Variants in NUDT4 observed in about 807,000 individuals in gnomAD.
NUDT4 encodes the protein nudix hydrolase 4, also known as diphosphoinositol polyphosphate phosphohydrolase 2.
Under a neutral mutation model 23.1 loss-of-function variants are expected in NUDT4, and 5 were observed. The observed-to-expected ratio is 0.22, with a 90% confidence interval of 0.11 to 0.46. The LOEUF (loss-of-function observed/expected upper bound fraction) is 0.46. NUDT4 is among the 20% of genes least tolerant of loss of function. The probability of loss-of-function intolerance (pLI) is 0.99; values close to 1 mark genes in which losing one functional copy is unlikely to be tolerated. For synonymous variants in NUDT4, 50 were observed against 79.0 expected (o/e 0.63, Z 1.95); for missense variants, 96 against 211.6 (o/e 0.45, Z 3.39).
chr12:93,398,451 C>CA (rs1273545858), intron 3 of NUDT4, among the ~76,000 whole-genome samples: 4 of 151,812 alleles, frequency 2.6e-5, no homozygotes, highest in African/African-American at 7.3e-5. Flanking sequence ...TTGGGAAGGC[C>CA]AAAGCAGGAG....
intron 1 of NUDT4, among the ~76,000 whole-genome samples, chr12:93,394,241 A>C (rs1198281422): frequency 1.3e-5 from 2 of 152,054 alleles, no homozygotes; most frequent in Non-Finnish European, 2.9e-5. Flanking sequence ...TGACCTCTTG[A>C]TCCGCCCGCC....
chr12:93,391,680 T>TC (rs1876516480), intron 1 of NUDT4, among the ~76,000 whole-genome samples: 1 of 151,940 alleles, frequency 6.6e-6, no homozygotes, highest in African/African-American at 2.4e-5. Flanking sequence ...AAGGCTGCAG[T>TC]CAGCAGAGAT....
At position 93,406,469 on chromosome 12, in the gene NUDT4, T is replaced by C. The variant is rs1207276703; in HGVS notation, c.*7090T>C. 6.6e-6 allele frequency: 1 copy of C among 152,090 alleles called. No individual in the cohort carries two copies. Among genetic ancestry groups the C allele is most frequent in the Admixed American group, 6.5e-5 (1 of 15,268 alleles). 9.4% of individuals were successfully genotyped at this position (152,090 alleles called of 1,614,324 possible). On this transcript the variant is annotated 3_prime_UTR_variant, in exon 5 of 5. Coordinates refer to ENST00000415493, the MANE Select transcript of NUDT4 (RefSeq NM_019094.6). ...CACCTGTGACTTTTATCTGTTGGTT[T>C]GTATTTAATCTTATTTTTAAGTGCT... is the stretch of plus-strand genomic sequence containing the variant.
In NUDT4 at chr12:93,404,885, T is replaced by G. The variant is rs1877715413; in HGVS notation, c.*5506T>G. 2 of 151,216 alleles carry G rather than the reference T, an allele frequency of 1.3e-5. No homozygotes were observed. The highest frequency in any genetic ancestry group is 2.9e-5 in the Non-Finnish European group (2 of 67,988). The allele number at this position is 151,216 out of a possible 1,614,324, so 9.4% of individuals were successfully genotyped here. A position where few individuals can be genotyped will look rare whatever the true frequency, so the allele number is the denominator to read the frequency against. On this transcript the variant is annotated 3_prime_UTR_variant, in exon 5 of 5. Coordinates refer to ENST00000415493, the MANE Select transcript of NUDT4 (RefSeq NM_019094.6). ...TGCCTGTTTGTACGGCCAACAAGTT[T>G]AAAATTTTTTTAATGTTTTAGGTTT...
In NUDT4 at chr12:93,397,514, CCT is replaced by C. The variant is rs753610645; in HGVS notation, c.256-1256_256-1255del. Among the ~76,000 whole-genome samples the C allele has an allele frequency of 1.8e-3, 278 of 151,354 alleles. 1 individual carries two copies. Among genetic ancestry groups the C allele is most frequent in the Non-Finnish European group, 3.1e-3 (207 of 67,862 alleles). On this transcript the variant is annotated intron_variant, in intron 3 of 4. Coordinates refer to ENST00000415493, the MANE Select transcript of NUDT4 (RefSeq NM_019094.6). ...TTTAACCCAGAAACAAGCTCAGTTG[CCT>C]GTTTTATTTAATTTATGTTTTTTTT...
intron 1 of NUDT4, among the ~76,000 whole-genome samples, chr12:93,384,765 ATTC>A (rs1278917423): frequency 1.3e-5 from 2 of 151,286 alleles, no homozygotes; most frequent in Non-Finnish European, 2.9e-5. Flanking sequence ...TCAATACACT[ATTC>A]TTTTTTTTTT....
chr12:93,407,840 A>T lies in NUDT4; in HGVS notation c.*8461A>T, dbSNP rs1019148809. ...AGTCCTAAGAAGGCTCAGTCAACAC[A>T]CTGGCACTCGTTTCATCCCACTGGT... is the stretch of plus-strand genomic sequence containing the variant. On this transcript the variant is annotated 3_prime_UTR_variant, in exon 5 of 5. Coordinates refer to ENST00000415493, the MANE Select transcript of NUDT4 (RefSeq NM_019094.6). 4 of 152,202 alleles carry T rather than the reference A, an allele frequency of 2.6e-5. No homozygotes were observed. Among genetic ancestry groups the T allele is most frequent in the Non-Finnish European group, 5.9e-5 (4 of 68,050 alleles). The allele number at this position is 152,202 out of a possible 1,614,324, so 9.4% of individuals were successfully genotyped here.
At chr12:93,390,970 G>GA (rs981963021) in intron 1 of NUDT4, among the ~76,000 whole-genome samples, 7 of 152,118 alleles carry the variant, frequency 4.6e-5, no homozygotes, top group Non-Finnish European at 1.0e-4. Context: ...GGGGGCTTGA[G>GA]AGAAGGGTGG....
intron 3 of NUDT4, among the ~76,000 whole-genome samples, chr12:93,396,577 A>T (rs1876948524): frequency 6.6e-6 from 1 of 152,122 alleles, no homozygotes; most frequent in Admixed American, 6.6e-5. Flanking sequence ...ATTTTGTAGC[A>T]CTTGGTAGAA....
chr12:93,390,040 T>C (rs892121224), intron 1 of NUDT4, among the ~76,000 whole-genome samples: 1 of 152,226 alleles, frequency 6.6e-6, no homozygotes, highest in East Asian at 1.9e-4. Context: ...ATGACCTAGA[T>C]ACATGAGACT....
intron 1 of NUDT4, among the ~76,000 whole-genome samples, chr12:93,379,023 G>T (rs1875430321): frequency 1.3e-5 from 2 of 152,132 alleles, no homozygotes; most frequent in Non-Finnish European, 2.9e-5. Flanking sequence ...TCTGACTGCA[G>T]AAAAATGGTT....
intron 1 of NUDT4, among the ~76,000 whole-genome samples, chr12:93,391,612 C>T (rs1876512186): frequency 6.6e-6 from 1 of 151,266 alleles, no homozygotes; most frequent in African/African-American, 2.4e-5. Flanking sequence ...TGGTGGGTGC[C>T]TGTACTCCCA....
At chr12:93,378,737 G>C in intron 1 of NUDT4, 1 of 1,066,862 alleles carries the variant, frequency 9.4e-7, no homozygotes, top group Non-Finnish European at 1.1e-6. Flanking sequence ...CGTGCGAATT[G>C]AGTTGAAAGC....
rs1214792062 is a variant in NUDT4, at chr12:93,408,114, C to T, written c.*8735C>T. On this transcript the variant is annotated 3_prime_UTR_variant, in exon 5 of 5. Coordinates refer to ENST00000415493, the MANE Select transcript of NUDT4 (RefSeq NM_019094.6). Reference sequence around the variant, plus strand: ...CTATAACCATGAGCAATATTACGGGCAGTAAATGTTGATTTCTATTTCGTT... The same window carrying T: ...CTATAACCATGAGCAATATTACGGGTAGTAAATGTTGATTTCTATTTCGTT... 6.6e-6 allele frequency: 1 copy of T among 152,134 alleles called. No homozygotes were observed. The highest frequency in any genetic ancestry group is 2.4e-5 in the African/African-American group (1 of 41,426). The allele number at this position is 152,134 out of a possible 1,614,324, so 9.4% of individuals were successfully genotyped here.
chr12:93,393,873 A>G (rs1876733221), intron 1 of NUDT4, among the ~76,000 whole-genome samples: 1 of 152,186 alleles, frequency 6.6e-6, no homozygotes. Context: ...TCTTCTTAGT[A>G]TTCTTATTTT....
intron 3 of NUDT4, among the ~76,000 whole-genome samples, chr12:93,395,830 C>T (rs1299269090): frequency 6.6e-6 from 1 of 152,174 alleles, no homozygotes; most frequent in Non-Finnish European, 1.5e-5. Flanking sequence ...AAGCAATTCT[C>T]CTGCCTCGTC....
At chr12:93,396,426 A>G (rs2120959185) in intron 3 of NUDT4, among the ~76,000 whole-genome samples, 1 of 152,334 alleles carries the variant, frequency 6.6e-6, no homozygotes, top group South Asian at 2.1e-4. Context: ...TCTTCATCCA[A>G]GATTCAGACC....
chr12:93,378,730 G>A (rs1212427903), intron 1 of NUDT4: 1 of 1,079,410 alleles, frequency 9.3e-7, no homozygotes. Flanking sequence ...ATCTTAACGT[G>A]CGAATTGAGT....
chr12:93,384,421 CCT>C (rs767692032), intron 1 of NUDT4, among the ~76,000 whole-genome samples: 237 of 152,256 alleles, frequency 1.6e-3, no homozygotes, highest in Middle Eastern at 3.4e-3. Flanking sequence ...CCCACCTCAG[CCT>C]CTCAAAGTGC....
Sources: allele counts gnomAD v4.1 joint callset (sites outside exome capture counted in the v4.1 genomes callset), GRCh38; gene constraint gnomAD v4.1.1; transcripts MANE v1.5; gene names NCBI Gene and HGNC (gene_info 2026-07-23, HGNC 2026-07-21).